Variants in CNTNAP2 observed in about 807,000 individuals in gnomAD.
CNTNAP2 encodes contactin-associated protein-like 2.
A neutral mutation model predicts 155.2 loss-of-function variants in CNTNAP2; 98 were observed. The observed-to-expected ratio is 0.63, with a 90% CI of 0.54 to 0.75. CNTNAP2 has a LOEUF of 0.75. Among genes scored for constraint, CNTNAP2 ranks in the 30% least tolerant of loss-of-function variants. The probability of loss-of-function intolerance (pLI) is 0.00; values close to 1 mark genes in which losing one functional copy is unlikely to be tolerated. For synonymous variants in CNTNAP2, 651 were observed against 631.2 expected, an observed-to-expected ratio of 1.03 and a Z score of -0.47; for missense variants, 1,727 against 1,688.1, an observed-to-expected ratio of 1.02 and a Z score of -0.40.
At chr7:147,000,973 A>G (rs1388739185) in intron 3 of CNTNAP2, among the ~76,000 whole-genome samples, 1 of 152,080 alleles carries the variant, frequency 6.6e-6, no homozygotes, top group Non-Finnish European at 1.5e-5. Flanking sequence ...CTAAAATCAG[A>G]GATCATGCAG....
intron 1 of CNTNAP2, among the ~76,000 whole-genome samples, chr7:146,724,450 A>G (rs781157897): frequency 6.6e-6 from 1 of 151,860 alleles, no homozygotes; most frequent in Admixed American, 6.6e-5. Context: ...ACTGAAAGAC[A>G]CATCTTTGAA....
intron 3 of CNTNAP2, among the ~76,000 whole-genome samples, chr7:146,995,208 T>C (rs544836829): frequency 6.6e-6 from 1 of 152,226 alleles, no homozygotes; most frequent in South Asian, 2.1e-4. Context: ...ATTGTGTATA[T>C]ATACTATGTT....
chr7:148,283,258 A>T lies in CNTNAP2; in HGVS notation c.3475+16132A>T. On this transcript the variant is annotated intron_variant, in intron 21 of 23. Transcript: ENST00000361727. ...CTGTCTCAAAAAAAAAAAAAAAAAA[A>T]GAAAGAAAGAAAGAAAGAAAGAAAG... 3.6e-5 allele frequency among the ~76,000 whole-genome samples: 2 copies of T among 55,638 alleles called. 1 individual carries two copies. Among genetic ancestry groups the T allele is most frequent in the African/African-American group, 1.7e-4 (2 of 12,012 alleles). 36.5% of individuals were successfully genotyped at this position (55,638 alleles called of 152,430 possible). A position where few individuals can be genotyped will look rare whatever the true frequency, so the allele number is the denominator to read the frequency against.
intron 12 of CNTNAP2, among the ~76,000 whole-genome samples, chr7:147,610,114 C>A (rs1801153729): frequency 6.6e-6 from 1 of 152,050 alleles, no homozygotes; most frequent in Admixed American, 6.6e-5. Context: ...TTACATTATA[C>A]ATGTTGAAAT....
chr7:146,550,574 C>A (rs764805769), intron 1 of CNTNAP2, among the ~76,000 whole-genome samples: 4 of 151,724 alleles, frequency 2.6e-5, no homozygotes, highest in Non-Finnish European at 4.4e-5. Flanking sequence ...TTTTCCCTTT[C>A]CTTTTTCCAA....
At chr7:147,929,696 A>C (rs1224089154) in intron 14 of CNTNAP2, among the ~76,000 whole-genome samples, 1 of 152,174 alleles carries the variant, frequency 6.6e-6, no homozygotes, top group Non-Finnish European at 1.5e-5. Flanking sequence ...CCCTATTTCA[A>C]ATTTTTTAAT....
intron 1 of CNTNAP2, among the ~76,000 whole-genome samples, chr7:146,483,060 A>T (rs1242276253): frequency 6.6e-6 from 1 of 151,136 alleles, no homozygotes; most frequent in East Asian, 2.0e-4. Context: ...GCGGATCATG[A>T]GGTCAGGAGA....
chr7:147,449,683 G>T (rs1339167472), intron 10 of CNTNAP2, among the ~76,000 whole-genome samples: 1 of 152,130 alleles, frequency 6.6e-6, no homozygotes, highest in African/African-American at 2.4e-5. Flanking sequence ...CATCCAGTCA[G>T]TTTGATTTAA....
chr7:147,759,209 T>C (rs1797262295), intron 13 of CNTNAP2, among the ~76,000 whole-genome samples: 1 of 152,196 alleles, frequency 6.6e-6, no homozygotes, highest in Non-Finnish European at 1.5e-5. Flanking sequence ...AAAATTATTT[T>C]ATAAAAAGAA....
At chr7:147,775,240 TA>T (rs1205059828) in intron 13 of CNTNAP2, among the ~76,000 whole-genome samples, 1 of 119,320 alleles carries the variant, frequency 8.4e-6, no homozygotes, top group African/African-American at 3.1e-5. Context: ...TATATATATA[TA>T]TTTATATATA....
chr7:147,083,677 T>C (rs1800194184), intron 4 of CNTNAP2, among the ~76,000 whole-genome samples: 1 of 136,384 alleles, frequency 7.3e-6, no homozygotes, highest in Admixed American at 7.3e-5. Flanking sequence ...ATAATACATA[T>C]TATATATGAT....
chr7:147,206,876 G>C (rs762323501), intron 8 of CNTNAP2, among the ~76,000 whole-genome samples: 51 of 152,206 alleles, frequency 3.4e-4, no homozygotes, highest in Admixed American at 1.9e-3. Flanking sequence ...ATTTTAAATA[G>C]AATGAGATAC....
intron 21 of CNTNAP2, among the ~76,000 whole-genome samples, chr7:148,316,995 C>A (rs1037339530): frequency 1.1e-4 from 17 of 152,190 alleles, no homozygotes; most frequent in African/African-American, 4.1e-4. Flanking sequence ...CTCCATAGGT[C>A]CCAAATGTAT....
chr7:146,258,851 A>G (rs1412058288), intron 1 of CNTNAP2, among the ~76,000 whole-genome samples: 2 of 152,198 alleles, frequency 1.3e-5, no homozygotes, highest in African/African-American at 4.8e-5. Context: ...TATCACATGT[A>G]TGTGCTGAAA....
intron 1 of CNTNAP2, among the ~76,000 whole-genome samples, chr7:146,671,174 T>C (rs1354189721): frequency 6.6e-6 from 1 of 152,176 alleles, no homozygotes; most frequent in African/African-American, 2.4e-5. Flanking sequence ...AGTAACTGAT[T>C]AGTATCCTCT....
intron 1 of CNTNAP2, among the ~76,000 whole-genome samples, chr7:146,442,966 G>C (rs931059823): frequency 6.6e-6 from 1 of 152,074 alleles, no homozygotes; most frequent in Non-Finnish European, 1.5e-5. Context: ...CAGCACTTTG[G>C]GAGGCCGAGG....
At position 147,841,524 on chromosome 7, in the gene CNTNAP2, G is replaced by A. The variant is rs547898336; in HGVS notation, c.2099-62041G>A. Among the ~76,000 whole-genome samples the A allele has an allele frequency of 9.2e-5, 14 of 152,190 alleles. No homozygotes were observed. The East Asian group carries it at 1.2e-3, about 13-fold the overall frequency. On this transcript the variant is annotated intron_variant, in intron 13 of 23. Transcript: ENST00000361727. The stretch of plus-strand genomic sequence containing the variant: ...GGCAATTAACAATTTGGGGCAAAGC[G>A]CAATTTTCATAGACTCTGTTTTGCA...
chr7:146,479,500 T>C (rs1400796915), intron 1 of CNTNAP2, among the ~76,000 whole-genome samples: 1 of 152,128 alleles, frequency 6.6e-6, no homozygotes, highest in Non-Finnish European at 1.5e-5. Context: ...TGCTTTATTA[T>C]AAAAATGATG....
At chr7:147,049,756 G>T (rs1799438326) in intron 4 of CNTNAP2, among the ~76,000 whole-genome samples, 1 of 152,132 alleles carries the variant, frequency 6.6e-6, no homozygotes. Flanking sequence ...TGCAAAGTTT[G>T]CCAGAAAACT....
Sources: allele counts gnomAD v4.1 joint callset (sites outside exome capture counted in the v4.1 genomes callset), GRCh38; gene constraint gnomAD v4.1.1; transcripts MANE v1.5; gene names NCBI Gene and HGNC (gene_info 2026-07-23, HGNC 2026-07-21).